The following SPOCK3 variants were observed in gnomAD, a reference collection of about 807,000 sequenced individuals.
SPOCK3 encodes SPARC (osteonectin), cwcv and kazal like domains proteoglycan 3.
Under a neutral mutation model 56.6 loss-of-function variants are expected in SPOCK3, and 30 were observed. That is an observed-to-expected ratio of 0.53 (90% CI 0.40 to 0.72). The LOEUF is 0.72. SPOCK3 is among the 30% of genes least tolerant of loss of function. SPOCK3 has a pLI of 0.00. For synonymous variants in SPOCK3, 196 were observed against 183.3 expected, an observed-to-expected ratio of 1.07 and a Z score of -0.56; for missense variants, 527 against 530.0, an observed-to-expected ratio of 0.99 and a Z score of 0.06.
intron 4 of SPOCK3, among the ~76,000 whole-genome samples, chr4:166,985,165 C>T (rs893488263): frequency 7.2e-5 from 11 of 152,090 alleles, no homozygotes; most frequent in African/African-American, 2.4e-4. Flanking sequence ...TAAACTCTGG[C>T]TTATTTTCTT....
At chr4:167,058,094 C>A (rs544457146) in intron 3 of SPOCK3, among the ~76,000 whole-genome samples, 6 of 152,158 alleles carry the variant, frequency 3.9e-5, no homozygotes, top group Non-Finnish European at 8.8e-5. Context: ...GTCTCTCAGA[C>A]AGGGATGCCC....
intron 4 of SPOCK3, among the ~76,000 whole-genome samples, chr4:166,944,876 C>T (rs912639037): frequency 1.3e-5 from 2 of 152,090 alleles, no homozygotes; most frequent in Non-Finnish European, 2.9e-5. Context: ...ATGTAAATAT[C>T]CCATTTCTCA....
intron 2 of SPOCK3, among the ~76,000 whole-genome samples, chr4:167,123,238 TTTTA>T (rs1762005347): frequency 6.6e-6 from 1 of 152,112 alleles, no homozygotes; most frequent in South Asian, 2.1e-4. Context: ...TATAAATGAT[TTTTA>T]TATATGAATG....
At chr4:166,739,225 G>A (rs1734570142) in intron 9 of SPOCK3, among the ~76,000 whole-genome samples, 1 of 151,998 alleles carries the variant, frequency 6.6e-6, no homozygotes, top group Non-Finnish European at 1.5e-5. Flanking sequence ...GGCCAGTGAT[G>A]GTGAGCATTT....
intron 4 of SPOCK3, among the ~76,000 whole-genome samples, chr4:166,987,403 T>C (rs1014034906): frequency 7.9e-5 from 12 of 152,344 alleles, no homozygotes; most frequent in South Asian, 2.1e-4. Flanking sequence ...GTCACCTCTA[T>C]ATCTGCCTTG....
At chr4:166,835,380 T>C (rs1560909577) in intron 6 of SPOCK3, among the ~76,000 whole-genome samples, 1 of 152,176 alleles carries the variant, frequency 6.6e-6, no homozygotes, top group Admixed American at 6.5e-5. Context: ...AATATTTAAG[T>C]AGAAGACACC....
intron 6 of SPOCK3, among the ~76,000 whole-genome samples, chr4:166,877,567 A>G (rs984011513): frequency 2.0e-5 from 3 of 152,176 alleles, no homozygotes; most frequent in African/African-American, 7.2e-5. Flanking sequence ...ATAGAAGAAA[A>G]AAGAATGAAA....
In SPOCK3 at chr4:167,214,404, A is replaced by C. The variant is rs561904005; in HGVS notation, c.189+19581T>G. ...CATAACACTATAACATTATCAGCAA[A>C]TAGAAAAAAACAGTTTAGCGAGAAA... On this transcript the variant is annotated intron_variant, in intron 2 of 10. Coordinates refer to ENST00000357545, the MANE Select transcript of SPOCK3 (RefSeq NM_001040159.2). 2.6e-5 allele frequency among the ~76,000 whole-genome samples: 4 copies of C among 152,260 alleles called. No individual in the cohort carries two copies. The South Asian group carries it at 8.3e-4, about 32-fold the overall frequency.
chr4:167,103,322 G>A (rs1759819418), intron 2 of SPOCK3, among the ~76,000 whole-genome samples: 1 of 152,090 alleles, frequency 6.6e-6, no homozygotes, highest in Non-Finnish European at 1.5e-5. Context: ...CTAGGCCTTA[G>A]CTCTTGGATG....
intron 4 of SPOCK3, among the ~76,000 whole-genome samples, chr4:166,927,870 A>T (rs1363143313): frequency 6.6e-6 from 1 of 152,182 alleles, no homozygotes; most frequent in African/African-American, 2.4e-5. Flanking sequence ...AAAATAATAT[A>T]AAAAACTCAA....
At chr4:167,076,106 A>G (rs1311885968) in intron 2 of SPOCK3, among the ~76,000 whole-genome samples, 9 of 151,924 alleles carry the variant, frequency 5.9e-5, no homozygotes, top group Non-Finnish European at 1.3e-4. Context: ...AGGTAAAACT[A>G]TGGAGGCATG....
chr4:166,907,878 T>C (rs2127080521), intron 5 of SPOCK3, among the ~76,000 whole-genome samples: 1 of 152,034 alleles, frequency 6.6e-6, no homozygotes, highest in Admixed American at 6.6e-5. Context: ...ATTGATCGAG[T>C]TGGCATACCT....
chr4:166,830,310 C>T lies in SPOCK3; in HGVS notation c.590-38021G>A, dbSNP rs529596778. On this transcript the variant is annotated intron_variant, in intron 6 of 10. Coordinates refer to ENST00000357545, the MANE Select transcript of SPOCK3 (RefSeq NM_001040159.2). ...GTCATTTCAGAAATGATTTTTAGGA[C>T]TCTGAATATAAGTCTAAATAAATGT... is the stretch of plus-strand genomic sequence containing the variant. 2.8e-3 allele frequency among the ~76,000 whole-genome samples: 424 copies of T among 152,240 alleles called. 1 individual carries two copies. Among genetic ancestry groups the T allele is most frequent in the Non-Finnish European group, 4.8e-3 (329 of 67,996 alleles).
intron 2 of SPOCK3, among the ~76,000 whole-genome samples, chr4:167,232,298 T>C (rs770899178): frequency 4.6e-5 from 7 of 151,838 alleles, no homozygotes; most frequent in Non-Finnish European, 8.8e-5. Flanking sequence ...TTGAAGATAG[T>C]AATACTCTTA....
intron 4 of SPOCK3, among the ~76,000 whole-genome samples, chr4:166,915,112 T>TA (rs1320480892): frequency 1.3e-5 from 2 of 152,138 alleles, no homozygotes; most frequent in Admixed American, 1.3e-4. Flanking sequence ...TACAAATTTA[T>TA]AGAAGTCCAA....
At chr4:166,904,291 G>A (rs976889337) in intron 5 of SPOCK3, among the ~76,000 whole-genome samples, 82 of 151,890 alleles carry the variant, frequency 5.4e-4, no homozygotes, top group Non-Finnish European at 1.9e-4. Flanking sequence ...AGAAGTTAAT[G>A]CATATAAAAA....
Position 167,234,115 on chromosome 4 carries a change from A to G in SPOCK3, c.59T>C (p.Leu20Pro). The stretch of plus-strand genomic sequence containing the variant: ...TGCAGCCACCGCCGCGGCAGCTGCG[A>G]GAGACTGACTGCACCAAGCGGCTGC... ...VCAAAWCSQS[L>P]AAAAAVAAAG... The change falls in exon 2 of 11, where the codon CTC (leucine) becomes CCC (proline). Residue 20 changes from leucine to proline, a missense_variant. Coordinates refer to ENST00000357545, the MANE Select transcript of SPOCK3 (RefSeq NM_001040159.2). 2 of 1,613,876 alleles carry G rather than the reference A, an allele frequency of 1.2e-6. No homozygotes were observed. Among genetic ancestry groups the G allele is most frequent in the Admixed American group, 1.7e-5 (1 of 60,018 alleles).
intron 4 of SPOCK3, among the ~76,000 whole-genome samples, chr4:166,959,977 A>G (rs1424660772): frequency 6.6e-6 from 1 of 152,156 alleles, no homozygotes; most frequent in East Asian, 1.9e-4. Context: ...GAAACAATTT[A>G]CTCTAATTAG....
intron 3 of SPOCK3, among the ~76,000 whole-genome samples, chr4:167,049,305 A>C (rs1440376287): frequency 1.3e-5 from 2 of 152,118 alleles, no homozygotes; most frequent in African/African-American, 4.8e-5. Flanking sequence ...AAGTGGGTAC[A>C]ATACTAGCAA....
Sources: gnomAD v4.1 joint callset for allele counts (sites outside exome capture counted in the v4.1 genomes callset) on GRCh38, gnomAD v4.1.1 for gene constraint, MANE v1.5 for transcripts, NCBI Gene and HGNC (gene_info 2026-07-23, HGNC 2026-07-21) for gene names.